The following STAG1 variants were observed in gnomAD, a reference collection of about 807,000 sequenced individuals.
The protein encoded by STAG1 is cohesin subunit SA-1.
STAG1 carries 26 observed loss-of-function variants against 170.9 expected under a neutral mutation model. That is an observed-to-expected ratio of 0.15 (90% confidence interval 0.11 to 0.21). The LOEUF (loss-of-function observed/expected upper bound fraction) is 0.21, where lower values mean the gene tolerates loss of function less well. STAG1 is among the 10% of genes least tolerant of loss of function. The probability of loss-of-function intolerance (pLI) is 1.00; values close to 1 mark genes in which losing one functional copy is unlikely to be tolerated. For missense variants in STAG1, 964 were observed against 1,509.5 expected, an observed-to-expected ratio of 0.64 and a Z score of 5.99; for synonymous variants, 514 against 497.7, an observed-to-expected ratio of 1.03 and a Z score of -0.44.
intron 9 of STAG1, among the ~76,000 whole-genome samples, chr3:136,488,504 T>C (rs1243588326): frequency 6.6e-6 from 1 of 152,232 alleles, no homozygotes; most frequent in African/African-American, 2.4e-5. Flanking sequence ...GTTTCCTTAT[T>C]ATAAAAGACC....
At chr3:136,384,128 C>A (rs958204030) in intron 22 of STAG1, among the ~76,000 whole-genome samples, 1 of 151,892 alleles carries the variant, frequency 6.6e-6, no homozygotes, top group Non-Finnish European at 1.5e-5. Flanking sequence ...TAATATGTGG[C>A]AACTTGCAGA....
intron 7 of STAG1, among the ~76,000 whole-genome samples, 172 bp from the exon 8 acceptor site, chr3:136,502,951 C>G (rs1459843537): frequency 6.6e-6 from 1 of 152,148 alleles, no homozygotes; most frequent in South Asian, 2.1e-4. Context: ...ATAAACTCAT[C>G]TGCAACATAA....
At chr3:136,452,723 T>G (rs1372589041) in intron 13 of STAG1, among the ~76,000 whole-genome samples, 1 of 152,170 alleles carries the variant, frequency 6.6e-6, no homozygotes, top group African/African-American at 2.4e-5. Context: ...TGTTCAAATA[T>G]GTGTGAAAAT....
intron 12 of STAG1, among the ~76,000 whole-genome samples, chr3:136,466,957 A>C (rs1363658618): frequency 6.6e-6 from 1 of 152,210 alleles, no homozygotes. Flanking sequence ...AAATGCTAAG[A>C]GATTTTGTCA....
intron 1 of STAG1, among the ~76,000 whole-genome samples, chr3:136,747,407 G>A (rs1232821942): frequency 1.3e-5 from 2 of 151,862 alleles, no homozygotes; most frequent in Admixed American, 6.6e-5. Flanking sequence ...CCTTAACTTC[G>A]GCCACACACA....
chr3:136,738,925 C>CA (rs1280233148), intron 1 of STAG1, among the ~76,000 whole-genome samples: 1 of 151,530 alleles, frequency 6.6e-6, no homozygotes, highest in Non-Finnish European at 1.5e-5. Flanking sequence ...AAAAATAAGT[C>CA]AATTTTTCTA....
At chr3:136,353,494 T>G (rs1314546716) in intron 28 of STAG1, among the ~76,000 whole-genome samples, 1 of 151,978 alleles carries the variant, frequency 6.6e-6, no homozygotes, top group Non-Finnish European at 1.5e-5. Context: ...ACAAAGAAAA[T>G]CCAATAAAAT....
intron 1 of STAG1, among the ~76,000 whole-genome samples, chr3:136,751,806 G>A (rs1038898710): frequency 4.9e-5 from 6 of 121,442 alleles, no homozygotes; most frequent in Admixed American, 2.2e-4. Context: ...CGAGAGCCCG[G>A]GCGGGGGGGG....
intron 16 of STAG1, among the ~76,000 whole-genome samples, chr3:136,429,853 A>G (rs1240029904): frequency 2.0e-5 from 3 of 152,194 alleles, no homozygotes; most frequent in Admixed American, 6.5e-5. Flanking sequence ...GTTAATAAAT[A>G]GTAAATATAT....
intron 1 of STAG1, among the ~76,000 whole-genome samples, chr3:136,683,003 A>G (rs1170341493): frequency 6.6e-6 from 1 of 152,204 alleles, no homozygotes; most frequent in African/African-American, 2.4e-5. Context: ...TAAGCGAAAT[A>G]AGTCAGACAC....
At chr3:136,705,106 T>C (rs1576788647) in intron 1 of STAG1, among the ~76,000 whole-genome samples, 1 of 152,050 alleles carries the variant, frequency 6.6e-6, no homozygotes. Flanking sequence ...CCAGGCGCAG[T>C]GGCTCACGCC....
intron 25 of STAG1, among the ~76,000 whole-genome samples, chr3:136,366,725 A>G (rs913271978): frequency 1.6e-4 from 25 of 152,126 alleles, no homozygotes; most frequent in Non-Finnish European, 3.2e-4. Flanking sequence ...AAGTAGCTAG[A>G]AAGTATGTTC....
chr3:136,415,526 C>A (rs1458913418), intron 21 of STAG1, among the ~76,000 whole-genome samples: 1 of 152,142 alleles, frequency 6.6e-6, no homozygotes, highest in South Asian at 2.1e-4. Flanking sequence ...AAAAAGTGAG[C>A]TTGCATGGTT....
At chr3:136,442,969 G>A (rs1394244068) in intron 15 of STAG1, among the ~76,000 whole-genome samples, 6 of 152,090 alleles carry the variant, frequency 3.9e-5, no homozygotes, top group African/African-American at 1.4e-4. Flanking sequence ...TGACTGGGCC[G>A]CTGCACTCCA....
chr3:136,548,529 A>G (rs1366779755), intron 5 of STAG1, among the ~76,000 whole-genome samples: 2 of 152,150 alleles, frequency 1.3e-5, no homozygotes, highest in Admixed American at 1.3e-4. Flanking sequence ...CTGTGATTCC[A>G]TATGAAGTTC....
chr3:136,413,628 T>C (rs2087692162), intron 21 of STAG1, among the ~76,000 whole-genome samples: 1 of 152,114 alleles, frequency 6.6e-6, no homozygotes, highest in African/African-American at 2.4e-5. Context: ...CCAGCTAATT[T>C]TGTATTTTTA....
chr3:136,606,097 T>C (rs181366612), intron 3 of STAG1, among the ~76,000 whole-genome samples: 138 of 152,252 alleles, frequency 9.1e-4, no homozygotes, highest in African/African-American at 1.4e-3. Flanking sequence ...TAAATACATA[T>C]AGTTACTCCT....
At chr3:136,610,023 T>A (rs1302242424) in intron 3 of STAG1, among the ~76,000 whole-genome samples, 5 of 152,200 alleles carry the variant, frequency 3.3e-5, no homozygotes, top group Admixed American at 6.6e-5. Flanking sequence ...CATGTTTTTT[T>A]ATAGCAGAAT....
intron 21 of STAG1, among the ~76,000 whole-genome samples, chr3:136,417,381 C>A (rs939469152): frequency 1.3e-5 from 2 of 152,148 alleles, no homozygotes; most frequent in Non-Finnish European, 2.9e-5. Flanking sequence ...AATTATTCTA[C>A]TGAAGTCTCT....
Sources: allele counts gnomAD v4.1 joint callset (sites outside exome capture counted in the v4.1 genomes callset), GRCh38; gene constraint gnomAD v4.1.1; transcripts MANE v1.5; gene names NCBI Gene and HGNC (gene_info 2026-07-23, HGNC 2026-07-21).